Variants in ZNF25 observed in about 807,000 individuals in gnomAD.
ZNF25 encodes the protein zinc finger protein 25, also known as zinc finger protein 25 (KOX 19).
In ZNF25, 21 loss-of-function variants were observed where a neutral mutation model predicts 30.9. The observed-to-expected ratio is 0.68, with a 90% CI of 0.48 to 0.98. The LOEUF is 0.98. Among genes scored for constraint, ZNF25 ranks in the 50% least tolerant of loss-of-function variants. The pLI, the probability that ZNF25 is intolerant of heterozygous loss-of-function variation, is 0.00. For synonymous variants in ZNF25, 169 were observed against 181.3 expected, an observed-to-expected ratio of 0.93 and a Z score of 0.55; for missense variants, 501 against 529.9, an observed-to-expected ratio of 0.95 and a Z score of 0.54.
In ZNF25 at chr10:37,957,038, G is replaced by A. The variant is rs760242893; in HGVS notation, c.220C>T (p.Pro74Ser). ...AACTCACCAGGGAAGCCCCGATGTG[G>A]AAATTCTACTTCTAATATCCATGGC... ...KEPWILEVEF[P>S]HRGFPEDLWS... The change falls in exon 4 of 6, where the codon CCA becomes TCA. Residue 74 changes from proline to serine, a missense_variant. Physicochemically the swap from Pro to Ser is moderately conservative, Grantham distance 74 (BLOSUM62 -1). Transcript: ENST00000302609. 1 of 1,613,928 alleles carries A rather than the reference G, an allele frequency of 6.2e-7. No homozygotes were observed.
At chr10:37,953,366 T>A in intron 5 of ZNF25, 171 bp from the exon 6 acceptor site, 1 of 657,104 alleles carries the variant, frequency 1.5e-6, no homozygotes, top group Non-Finnish European at 2.5e-6. Flanking sequence ...TGACCTGCAC[T>A]GTAGTTTAAC....
intron 2 of ZNF25, among the ~76,000 whole-genome samples, chr10:37,968,886 T>C (rs1226641851): frequency 6.6e-6 from 1 of 152,170 alleles, no homozygotes; most frequent in East Asian, 1.9e-4. Flanking sequence ...AAGGGCTGAC[T>C]GTAGGACTTG....
At chr10:37,969,801 T>A (rs2063387554) in intron 2 of ZNF25, among the ~76,000 whole-genome samples, 1 of 152,230 alleles carries the variant, frequency 6.6e-6, no homozygotes, top group South Asian at 2.1e-4. Flanking sequence ...ACAAAACCTT[T>A]GAACAAAGAC....
intron 4 of ZNF25, among the ~76,000 whole-genome samples, chr10:37,956,462 A>G (rs1183182951): frequency 6.6e-6 from 1 of 152,246 alleles, no homozygotes; most frequent in Non-Finnish European, 1.5e-5. Flanking sequence ...AGGAGAGATA[A>G]GAGTTTGTAT....
chr10:37,954,538 A>G (rs1330782987), intron 4 of ZNF25, among the ~76,000 whole-genome samples: 1 of 152,142 alleles, frequency 6.6e-6, no homozygotes, highest in Admixed American at 6.5e-5. Flanking sequence ...TCAATCCTGA[A>G]CTCATCCTGA....
At chr10:37,970,311 G>A (rs1220697338) in intron 2 of ZNF25, among the ~76,000 whole-genome samples, 1 of 152,126 alleles carries the variant, frequency 6.6e-6, no homozygotes, top group Non-Finnish European at 1.5e-5. Context: ...ATGCAAGGTT[G>A]ATTCCACATT....
chr10:37,964,016 C>A (rs2063041608), intron 2 of ZNF25, among the ~76,000 whole-genome samples: 1 of 151,896 alleles, frequency 6.6e-6, no homozygotes, highest in Non-Finnish European at 1.5e-5. Flanking sequence ...TAGGACCTAC[C>A]CCTTATCTCT....
chr10:37,967,126 C>T (rs530039927), intron 2 of ZNF25, among the ~76,000 whole-genome samples: 17 of 152,218 alleles, frequency 1.1e-4, no homozygotes, highest in African/African-American at 4.1e-4. Context: ...ACAATACTAC[C>T]CAAAGAAATC....
chr10:37,961,712 G>T (rs968715288), intron 2 of ZNF25, among the ~76,000 whole-genome samples: 1 of 150,360 alleles, frequency 6.7e-6, no homozygotes, highest in South Asian at 2.1e-4. Flanking sequence ...ACCTGAGGTC[G>T]GGAGTTCGAG....
intron 2 of ZNF25, among the ~76,000 whole-genome samples, chr10:37,959,854 C>A (rs2062752847): frequency 6.6e-6 from 1 of 151,890 alleles, no homozygotes; most frequent in South Asian, 2.1e-4. Context: ...AGGTAATCTG[C>A]CCACCTTGGC....
intron 2 of ZNF25, among the ~76,000 whole-genome samples, chr10:37,961,922 C>CAA (rs71533129): frequency 0.012 from 458 of 38,834 alleles, 8 homozygotes; most frequent in African/African-American, 0.025. Flanking sequence ...AACTCCATCT[C>CAA]AAAAAAAAAA....
At chr10:37,963,032 T>G (rs2062974275) in intron 2 of ZNF25, among the ~76,000 whole-genome samples, 1 of 141,002 alleles carries the variant, frequency 7.1e-6, no homozygotes, top group Non-Finnish European at 1.5e-5. Context: ...ACTGATAGAA[T>G]CAAACTTTTT....
At chr10:37,968,646 T>C (rs1564793992) in intron 2 of ZNF25, among the ~76,000 whole-genome samples, 2 of 152,168 alleles carry the variant, frequency 1.3e-5, no homozygotes, top group South Asian at 2.1e-4. Flanking sequence ...TGAGCCACTA[T>C]GCCTGGCCAT....
chr10:37,974,477 A>C (rs1055498792), intron 1 of ZNF25, among the ~76,000 whole-genome samples: 1 of 152,238 alleles, frequency 6.6e-6, no homozygotes, highest in Admixed American at 6.5e-5. Flanking sequence ...ACATTCCACA[A>C]TAGAAGACAT....
rs142518349 is a variant in ZNF25 at position 37,966,145 on chromosome 10, G to A, written c.15+5563C>T. On this transcript the variant is annotated intron_variant, in intron 2 of 5. Transcript: ENST00000302609. ...TATAAAGAACTACCTAAGGCTTGGCGTGGTGGCTCACTCCTGTAATCCCAG... is the reference window on the plus strand; with the variant it reads ...TATAAAGAACTACCTAAGGCTTGGCATGGTGGCTCACTCCTGTAATCCCAG... Among the ~76,000 whole-genome samples the A allele has an allele frequency of 9.4e-3, 1,427 of 152,208 alleles. 22 individuals carry two copies. The highest frequency in any genetic ancestry group is 0.032 in the African/African-American group (1,344 of 41,554).
rs1159776403 is a variant in ZNF25, at chr10:37,952,740, G to C, written c.758C>G (p.Thr253Arg). The change falls in exon 6 of 6, where the codon ACA (threonine) becomes AGA (arginine). Residue 253 changes from threonine (T) to arginine (R), a missense_variant. Thr to Arg is a moderately conservative substitution (Grantham distance 71). Coordinates refer to ENST00000302609, the MANE Select transcript of ZNF25 (RefSeq NM_145011.4). ...AYLMVHQKTH[T>R]GEKPYECKEC... ...CTTACACTCATAGGGTTTCTCCCCT[G>C]TGTGTGTTTTCTGATGTACCATGAG... 1.2e-6 allele frequency: 2 copies of C among 1,613,906 alleles called. No individual in the cohort carries two copies. Among genetic ancestry groups the C allele is most frequent in the Non-Finnish European group, 1.7e-6 (2 of 1,179,994 alleles).
chr10:37,952,283 C>T lies in ZNF25; in HGVS notation c.1215G>A (p.Lys405=), dbSNP rs1440185497. The change falls in exon 6 of 6, where the codon AAG becomes AAA. Residue 405 remains lysine, a synonymous_variant. Transcript: ENST00000302609. ...TAAAATGTGACTTCTGAGAAAAGGACTTCCCACATTCCTTGCATGCATAGG... is the reference window on the plus strand; with the variant it reads ...TAAAATGTGACTTCTGAGAAAAGGATTTCCCACATTCCTTGCATGCATAGG... ...EKPYACKECG[K]SFSQKSHFII... The T allele has an allele frequency of 6.8e-6, 11 of 1,608,032 alleles. No homozygotes were observed. Among genetic ancestry groups the T allele is most frequent in the Non-Finnish European group, 9.3e-6 (11 of 1,178,028 alleles).
At chr10:37,973,068 T>C (rs2063584938) in intron 1 of ZNF25, among the ~76,000 whole-genome samples, 1 of 151,762 alleles carries the variant, frequency 6.6e-6, no homozygotes, top group Non-Finnish European at 1.5e-5. Flanking sequence ...CTCGGGAGGC[T>C]GAGGCAGGAG....
At chr10:37,956,060 T>C (rs1466240432) in intron 4 of ZNF25, among the ~76,000 whole-genome samples, 2 of 152,234 alleles carry the variant, frequency 1.3e-5, no homozygotes, top group Non-Finnish European at 2.9e-5. Context: ...TTGTTCCTGA[T>C]ACTGGCAACA....
Sources: allele counts gnomAD v4.1 joint callset (sites outside exome capture counted in the v4.1 genomes callset), GRCh38; gene constraint gnomAD v4.1.1; transcripts MANE v1.5; gene names NCBI Gene and HGNC (gene_info 2026-07-23, HGNC 2026-07-21).